Variants in AKAP9 observed in about 807,000 individuals in gnomAD.
AKAP9 encodes A-kinase anchor protein 9.
AKAP9 carries 311 observed loss-of-function variants against 488.5 expected under a neutral mutation model. That is an observed-to-expected ratio of 0.64 (90% CI 0.58 to 0.70). The LOEUF (loss-of-function observed/expected upper bound fraction) is 0.70. AKAP9 is among the 30% of genes least tolerant of loss of function. The pLI, the probability that AKAP9 is intolerant of heterozygous loss-of-function variation, is 0.00. For synonymous variants in AKAP9, 1,462 were observed against 1,483.5 expected (o/e 0.99, Z 0.33); for missense variants, 4,215 against 4,374.5 (o/e 0.96, Z 1.03).
At chr7:92,080,267 A>C in intron 31 of AKAP9, 115 bp downstream of exon 31, 1 of 879,100 alleles carries the variant, frequency 1.1e-6, no homozygotes, top group Non-Finnish European at 1.7e-6. Flanking sequence ...GAAGGTTTTT[A>C]TAAAAATATA....
Position 92,016,283 on chromosome 7 carries a change from C to G in AKAP9, c.3751+16C>G, listed in dbSNP as rs769984472. The G allele has an allele frequency of 2.4e-5, 36 of 1,484,826 alleles. No homozygotes were observed. Among genetic ancestry groups the G allele is most frequent in the Middle Eastern group, 2.3e-4 (1 of 4,322 alleles). The allele number at this position is 1,484,826 out of a possible 1,614,324, so 92.0% of individuals were successfully genotyped here. A position where few individuals can be genotyped will look rare whatever the true frequency, so the allele number is the denominator to read the frequency against. On this transcript the variant is annotated intron_variant, in intron 11 of 49. Coordinates refer to ENST00000356239, the MANE Select transcript of AKAP9 (RefSeq NM_005751.5). Reference sequence around the variant, plus strand: ...GAAGTTCAAGGTAATAAAAGCTTACCATACTATTAAACAGTATTTAATCCT... The same window carrying G: ...GAAGTTCAAGGTAATAAAAGCTTACGATACTATTAAACAGTATTTAATCCT...
chr7:91,994,531 C>A, intron 5 of AKAP9, 90 bp from the exon 6 acceptor site: 1 of 1,040,932 alleles, frequency 9.6e-7, no homozygotes, highest in Non-Finnish European at 1.4e-6. Context: ...AGAATTATGC[C>A]AATGTGTTTT....
chr7:92,010,232 C>G (rs1017809169), intron 8 of AKAP9, among the ~76,000 whole-genome samples: 2 of 152,170 alleles, frequency 1.3e-5, no homozygotes, highest in African/African-American at 4.8e-5. Context: ...TTGAAGGCAG[C>G]TGAATTCTCT....
chr7:91,992,186 C>G lies in AKAP9; in HGVS notation c.380C>G (p.Thr127Arg), dbSNP rs750656682. The G allele has an allele frequency of 6.2e-7, 1 of 1,608,986 alleles. No homozygotes were observed. The highest frequency in any genetic ancestry group is 1.3e-5 in the African/African-American group (1 of 74,798). Reference protein sequence around the residue: ...EVNGCSFVMRTGKPTNLLREE... With the variant: ...EVNGCSFVMRRGKPTNLLREE... ...AATGGTTGCAGTTTTGTGATGAGAACAGGAAAGCCTACAAATTTATTAAGG... is the reference window on the plus strand; with the variant it reads ...AATGGTTGCAGTTTTGTGATGAGAAGAGGAAAGCCTACAAATTTATTAAGG... Residue 127 changes from threonine to arginine, a missense_variant, in exon 4 of 50, where the codon ACA (threonine) becomes AGA (arginine). Coordinates refer to ENST00000356239, the MANE Select transcript of AKAP9 (RefSeq NM_005751.5).
intron 1 of AKAP9, among the ~76,000 whole-genome samples, chr7:91,967,730 A>G (rs1422255979): frequency 1.3e-5 from 2 of 152,072 alleles, no homozygotes; most frequent in African/African-American, 2.4e-5. Context: ...TTTTGCATCT[A>G]TGTTCATCAG....
Position 92,096,770 on chromosome 7 carries a change from A to G in AKAP9, c.9811A>G (p.Asn3271Asp). The part of the protein sequence containing the change: ...LLLEQQKQLL[N>D]ESQQKIESQR... The stretch of plus-strand genomic sequence containing the variant: ...TTTGGAACAACAGAAACAACTACTG[A>G]ACGAATCCCAGCAAAAAATAGAATC... The change falls in exon 41 of 50, where the codon AAC (asparagine) becomes GAC (aspartate). Residue 3271 changes from asparagine to aspartate, a missense_variant. By Grantham distance (23) the Asn-to-Asp change is conservative. Around this residue, in one of 5 missense-constraint regions of AKAP9, gnomAD observed 1,476 missense variants for 1,477.4 expected, o/e 1.00. Transcript: ENST00000356239. 6.2e-7 allele frequency: 1 copy of G among 1,614,256 alleles called. No homozygotes were observed. The highest frequency in any genetic ancestry group is 8.5e-7 in the Non-Finnish European group (1 of 1,180,042).
chr7:92,078,215 C>G (rs1812944881), intron 30 of AKAP9, among the ~76,000 whole-genome samples: 1 of 152,064 alleles, frequency 6.6e-6, no homozygotes, highest in Admixed American at 6.6e-5. Flanking sequence ...CCAGGCTGGT[C>G]TCTATCTCCT....
In AKAP9 at chr7:92,081,498, T is replaced by TATA. The variant is rs1491338738; in HGVS notation, c.8020-1024_8020-1023insATA. Among the ~76,000 whole-genome samples, 266 of 87,652 alleles carry TATA rather than the reference T, an allele frequency of 3.0e-3. 2 individuals are homozygous for TATA. Among genetic ancestry groups the TATA allele is most frequent in the African/African-American group, 0.013 (247 of 19,492 alleles). The allele number at this position is 87,652 out of a possible 152,430, so 57.5% of individuals were successfully genotyped here. A position where few individuals can be genotyped will look rare whatever the true frequency, so the allele number is the denominator to read the frequency against. ...TTATATATATATATATATATATATATTTTTTTTTTTTTAGTAGAGACGAGG... is the reference window on the plus strand; with the variant it reads ...TTATATATATATATATATATATATATATATTTTTTTTTTTTAGTAGAGACGAGG... On this transcript the variant is annotated intron_variant, in intron 31 of 49. Transcript: ENST00000356239.
intron 1 of AKAP9, among the ~76,000 whole-genome samples, chr7:91,949,158 A>T (rs1562881738): frequency 6.6e-6 from 1 of 151,578 alleles, no homozygotes; most frequent in East Asian, 1.9e-4. Flanking sequence ...ATGTATATAA[A>T]ATATATATAT....
intron 21 of AKAP9, among the ~76,000 whole-genome samples, chr7:92,051,600 G>T (rs1807989326): frequency 6.6e-6 from 1 of 152,192 alleles, no homozygotes; most frequent in Non-Finnish European, 1.5e-5. Flanking sequence ...GAATTGTGCT[G>T]AATTCAGGTC....
chr7:92,073,691 C>G (rs1812107131), intron 28 of AKAP9, among the ~76,000 whole-genome samples: 1 of 152,062 alleles, frequency 6.6e-6, no homozygotes, highest in South Asian at 2.1e-4. Context: ...TAGAGCCTGA[C>G]TGAATAAGAG....
At chr7:92,056,680 C>T (rs1808842128) in intron 22 of AKAP9, among the ~76,000 whole-genome samples, 1 of 151,880 alleles carries the variant, frequency 6.6e-6, no homozygotes, top group South Asian at 2.1e-4. Context: ...CCTGTAGATT[C>T]TGGCTTTCTA....
chr7:91,978,127 A>G (rs1468557833), intron 2 of AKAP9, among the ~76,000 whole-genome samples: 1 of 151,432 alleles, frequency 6.6e-6, no homozygotes, highest in Non-Finnish European at 1.5e-5. Flanking sequence ...CTGTAATCCT[A>G]GCTACTCGGG....
rs1355192518 is a variant in AKAP9 at position 92,080,233 on chromosome 7, G to A, written c.8019+81G>A. On this transcript the variant is annotated intron_variant, in intron 31 of 49. Transcript: ENST00000356239. ...GCTAATTTACTAAATATGGTGTTCT[G>A]TTTACATCTAACAATTTATACAAGA... is the stretch of plus-strand genomic sequence containing the variant. The A allele has an allele frequency of 1.2e-5, 13 of 1,058,388 alleles. No homozygotes were observed. The African/African-American group carries it at 1.9e-4, about 16-fold the overall frequency. The allele number at this position is 1,058,388 out of a possible 1,614,324, so 65.6% of individuals were successfully genotyped here.
intron 30 of AKAP9, 127 bp downstream of exon 30, chr7:92,078,002 A>AT (rs1385841090): frequency 6.2e-6 from 4 of 650,252 alleles, no homozygotes; most frequent in Non-Finnish European, 9.0e-6. Flanking sequence ...ATTTTATTTT[A>AT]TTTATTTTTT....
intron 24 of AKAP9, among the ~76,000 whole-genome samples, chr7:92,063,886 T>C (rs1387642283): frequency 6.6e-6 from 1 of 152,150 alleles, no homozygotes; most frequent in Non-Finnish European, 1.5e-5. Context: ...GTTCAAGCGA[T>C]TCTTCCACCT....
At chr7:92,070,822 A>G (rs1811603732) in intron 27 of AKAP9, 83 bp from the exon 28 acceptor site, 4 of 918,850 alleles carry the variant, frequency 4.4e-6, no homozygotes, top group South Asian at 1.5e-5. Flanking sequence ...AAAAAAAAAA[A>G]AAAGCAGACC....
chr7:91,951,123 T>A (rs1037020421), intron 1 of AKAP9, among the ~76,000 whole-genome samples: 5 of 151,826 alleles, frequency 3.3e-5, no homozygotes, highest in African/African-American at 1.2e-4. Context: ...TTGAGAAGAA[T>A]GCGTAATTTT....
At chr7:91,996,920 G>A (rs2130650152) in intron 7 of AKAP9, among the ~76,000 whole-genome samples, 1 of 152,242 alleles carries the variant, frequency 6.6e-6, no homozygotes, top group East Asian at 1.9e-4. Flanking sequence ...ATCACCATAG[G>A]CCTGTGCAAT....
Sources: gnomAD v4.1 joint callset for allele counts (sites outside exome capture counted in the v4.1 genomes callset) on GRCh38, gnomAD v4.1.1 for gene constraint, gnomAD v4.1.1 regional missense constraint, MANE v1.5 for transcripts, NCBI Gene and HGNC (gene_info 2026-07-23, HGNC 2026-07-21) for gene names.